HYAL4: variants seen among roughly 807,000 people sequenced by gnomAD.
HYAL4 encodes the protein hyaluronidase 4.
HYAL4 carries 37 observed loss-of-function variants against 35.2 expected under a neutral mutation model. That is an observed-to-expected ratio of 1.05 (90% CI 0.81 to 1.38). The LOEUF (loss-of-function observed/expected upper bound fraction) is 1.38, where lower values mean the gene tolerates loss of function less well. Among genes scored for constraint, HYAL4 ranks in the 40% most tolerant of loss-of-function variants. The pLI is 0.00. For missense variants in HYAL4, 572 were observed against 572.4 expected (o/e 1.00, Z 0.01); for synonymous variants, 198 against 203.2 (o/e 0.97, Z 0.22).
chr7:123,807,877 G>A, the HYAL4 span, among the ~76,000 whole-genome samples: 1 of 150,174 alleles, frequency 6.7e-6, no homozygotes, highest in Non-Finnish European at 1.5e-5. Flanking sequence ...GACTTCAAGT[G>A]CATGCCACCA....
upstream of HYAL4, among the ~76,000 whole-genome samples, chr7:123,825,419 A>G (rs1434599484): frequency 6.6e-6 from 1 of 152,180 alleles, no homozygotes; most frequent in East Asian, 1.9e-4. Flanking sequence ...TCTAGAAGCA[A>G]TAATTAAGGT....
At chr7:123,839,176 C>T (rs1382994876) in intron 1 of HYAL4, among the ~76,000 whole-genome samples, 2 of 152,006 alleles carry the variant, frequency 1.3e-5, no homozygotes, top group African/African-American at 4.8e-5. Context: ...GTGATGCTCC[C>T]CACTCTTTGT....
chr7:123,868,180 T>G, intron 2 of HYAL4, 43 bp from the exon 3 acceptor site: 1 of 570,294 alleles, frequency 1.8e-6, no homozygotes, highest in Non-Finnish European at 3.0e-6. Flanking sequence ...TTGAGTCTTT[T>G]TCCTCAAAAC....
At chr7:123,802,780 T>C in the HYAL4 span, among the ~76,000 whole-genome samples, 1 of 152,184 alleles carries the variant, frequency 6.6e-6, no homozygotes, top group Non-Finnish European at 1.5e-5. Flanking sequence ...TAAGATGGCT[T>C]AATAATTTTA....
At chr7:123,787,501 C>A in the HYAL4 span, among the ~76,000 whole-genome samples, 21 of 152,112 alleles carry the variant, frequency 1.4e-4, no homozygotes, top group Non-Finnish European at 2.9e-5. Flanking sequence ...CCAAAGCTTG[C>A]AAGGCCATGG....
chr7:123,841,241 A>G (rs1298253304), upstream of HYAL4, among the ~76,000 whole-genome samples: 2 of 151,882 alleles, frequency 1.3e-5, no homozygotes, highest in African/African-American at 4.8e-5. Flanking sequence ...ATATATTGAG[A>G]TAATCATATG....
At chr7:123,814,294 C>T in the HYAL4 span, 1 of 152,598 alleles carries the variant, frequency 6.6e-6, no homozygotes, top group African/African-American at 2.4e-5. Flanking sequence ...CTTCCTTCAA[C>T]GTGGATATAA....
At chr7:123,799,868 A>T in the HYAL4 span, among the ~76,000 whole-genome samples, 90 of 152,248 alleles carry the variant, frequency 5.9e-4, no homozygotes, top group African/African-American at 2.0e-3. Context: ...TTAACTAAAA[A>T]TAGAAGTCTT....
intron 3 of HYAL4, among the ~76,000 whole-genome samples, chr7:123,870,263 A>G (rs187048175): frequency 2.0e-4 from 30 of 152,318 alleles, no homozygotes; most frequent in Admixed American, 1.5e-3. Context: ...GTATCTTTGG[A>G]ACATAAATGG....
chr7:123,849,970 T>TATATTTCTCATATGTTTTATCTTACAA (rs1806265890), intron 2 of HYAL4, among the ~76,000 whole-genome samples: 2 of 152,248 alleles, frequency 1.3e-5, no homozygotes, highest in African/African-American at 4.8e-5. Flanking sequence ...TTATCTTACA[T>TATATTTCTCATATGTTTTATCTTACAA]AGTAGCATGC....
Position 123,868,472 on chromosome 7 carries a change from CT to C in HYAL4, c.200del (p.Leu67GlnfsTer3). 1 of 1,604,360 alleles carries C rather than the reference CT, an allele frequency of 6.2e-7. No individual in the cohort carries two copies. Among genetic ancestry groups the C allele is most frequent in the Non-Finnish European group, 8.5e-7 (1 of 1,177,624 alleles). ...GTGTTTGATAAAATATAATTTAAGA[CT>C]AAATTTGAAAATGTTTCCTGTGATT... ...DQCLIKYNLRLNLKMFPVIGS... is the reference protein window; with the variant it reads ...DQCLIKYNLRXNLKMFPVIGS... On this transcript the variant is annotated frameshift_variant, in exon 3 of 5. Transcript: ENST00000223026. LOFTEE classifies it high-confidence loss of function.
At chr7:123,804,645 C>G in the HYAL4 span, among the ~76,000 whole-genome samples, 1 of 152,066 alleles carries the variant, frequency 6.6e-6, no homozygotes, top group African/African-American at 2.4e-5. Flanking sequence ...CACATACATT[C>G]CATGTGTGCA....
intron 2 of HYAL4, among the ~76,000 whole-genome samples, chr7:123,861,634 G>A (rs534141656): frequency 1.3e-5 from 2 of 152,202 alleles, no homozygotes; most frequent in African/African-American, 2.4e-5. Flanking sequence ...TAAAAACGAG[G>A]CCTTTCAGAC....
At chr7:123,831,771 T>C (rs188820519) in intron 1 of HYAL4, among the ~76,000 whole-genome samples, 115 of 152,294 alleles carry the variant, frequency 7.6e-4, no homozygotes, top group Non-Finnish European at 1.3e-3. Flanking sequence ...GATTATTTCA[T>C]TGAATGAAAG....
upstream of HYAL4, among the ~76,000 whole-genome samples, chr7:123,841,468 C>G (rs968974290): frequency 1.3e-5 from 2 of 151,988 alleles, no homozygotes; most frequent in African/African-American, 4.8e-5. Context: ...GTGTGTGTAT[C>G]TCTGCCAGTC....
chr7:123,800,292 C>A, the HYAL4 span, among the ~76,000 whole-genome samples: 5 of 150,780 alleles, frequency 3.3e-5, no homozygotes, highest in East Asian at 9.8e-4. Flanking sequence ...GCCTCAGCCT[C>A]CTGAGTAGCT....
chr7:123,865,230 T>C (rs560036602), intron 2 of HYAL4, among the ~76,000 whole-genome samples: 27 of 152,258 alleles, frequency 1.8e-4, no homozygotes, highest in Non-Finnish European at 3.5e-4. Context: ...TCTGGCAGGG[T>C]AGATTTTTCT....
chr7:123,832,347 T>G (rs1050934876), intron 1 of HYAL4, among the ~76,000 whole-genome samples: 2 of 151,924 alleles, frequency 1.3e-5, no homozygotes, highest in African/African-American at 4.8e-5. Flanking sequence ...AGTTAAGTTC[T>G]TTAGTGGTGA....
chr7:123,774,159 C>G, the HYAL4 span, among the ~76,000 whole-genome samples: 4 of 152,106 alleles, frequency 2.6e-5, no homozygotes, highest in African/African-American at 9.7e-5. Context: ...CCCCAGCCTC[C>G]CAATTAGCTG....
Sources: allele counts gnomAD v4.1 joint callset (sites outside exome capture counted in the v4.1 genomes callset), GRCh38; gene constraint gnomAD v4.1.1; transcripts MANE v1.5; gene names NCBI Gene and HGNC (gene_info 2026-07-23, HGNC 2026-07-21).